MARVELD3: variants seen among roughly 807,000 people sequenced by gnomAD.
MARVELD3 encodes the protein MARVEL domain-containing protein 3.
In MARVELD3, 28 loss-of-function variants were observed where a neutral mutation model predicts 33.5. That is an observed-to-expected ratio of 0.84 (90% CI 0.62 to 1.15). The LOEUF is 1.15. MARVELD3 is among the 50% of genes most tolerant of loss of function. The pLI is 0.00. For synonymous variants in MARVELD3, 241 were observed against 230.4 expected, an observed-to-expected ratio of 1.05 and a Z score of -0.42; for missense variants, 582 against 547.6, an observed-to-expected ratio of 1.06 and a Z score of -0.63.
rs2044506502 is a variant in MARVELD3, at chr16:71,629,432, A to G, written c.533A>G (p.Tyr178Cys). 1 of 1,584,150 alleles carries G rather than the reference A, an allele frequency of 6.3e-7. No individual in the cohort carries two copies. The highest frequency in any genetic ancestry group is 2.4e-5 in the East Asian group (1 of 42,102). ...PRPGREEVEY[Y>C]QSEAEGLLEC... ...CCTGGACGAGAGGAGGTGGAATATTACCAGTCAGAGGCGGAAGGACTCCTG... is the reference window on the plus strand; with the variant it reads ...CCTGGACGAGAGGAGGTGGAATATTGCCAGTCAGAGGCGGAAGGACTCCTG... Residue 178 changes from tyrosine (Y) to cysteine (C), a missense_variant, in exon 2 of 3, where the codon TAC becomes TGC. Physicochemically the swap from Tyr to Cys is radical, Grantham distance 194. Transcript: ENST00000268485.
downstream of MARVELD3, among the ~76,000 whole-genome samples, chr16:71,639,759 C>A (rs781773083): frequency 3.6e-4 from 54 of 152,036 alleles, no homozygotes; most frequent in Admixed American, 2.7e-3. Context: ...GGAGTTCATC[C>A]CTTTTTATCG....
At chr16:71,632,054 C>G (rs902532303) in intron 2 of MARVELD3, among the ~76,000 whole-genome samples, 1 of 152,168 alleles carries the variant, frequency 6.6e-6, no homozygotes, top group African/African-American at 2.4e-5. Context: ...ACCACACACA[C>G]AAAAGGACAT....
chr16:71,634,123 G>A, intron 2 of MARVELD3, 70 bp from the exon 3 acceptor site: 3 of 1,543,888 alleles, frequency 1.9e-6, no homozygotes, highest in Non-Finnish European at 2.6e-6. Context: ...GCGGAAGGTG[G>A]GCCTCAGGTG....
At position 71,626,200 on chromosome 16, in the gene MARVELD3, C is replaced by T. The variant is rs552872118; in HGVS notation, c.-30C>T. ...AACTTGTTGGTTGTTGCCCTCAGGTCGCTCCCGGGCGGGGACACGGAACCC... is the reference window on the plus strand; with the variant it reads ...AACTTGTTGGTTGTTGCCCTCAGGTTGCTCCCGGGCGGGGACACGGAACCC... On this transcript the variant is annotated 5_prime_UTR_variant, in exon 1 of 3. Coordinates refer to ENST00000268485, the MANE Select transcript of MARVELD3 (RefSeq NM_052858.6). The surrounding 1 kb of genome is among the most constrained non-coding windows in gnomAD (Gnocchi z 5.3). 1.0e-5 allele frequency: 15 copies of T among 1,443,524 alleles called. No individual in the cohort carries two copies. Among genetic ancestry groups the T allele is most frequent in the Non-Finnish European group, 1.4e-5 (15 of 1,100,174 alleles). The allele number at this position is 1,443,524 out of a possible 1,614,324, so 89.4% of individuals were successfully genotyped here.
At position 71,634,385 on chromosome 16, in the gene MARVELD3, A is replaced by T. The variant is rs2044561983; in HGVS notation, c.788A>T (p.Tyr263Phe). 6.2e-7 allele frequency: 1 copy of T among 1,614,202 alleles called. No homozygotes were observed. The highest frequency in any genetic ancestry group is 2.2e-5 in the East Asian group (1 of 44,884). ...GCCCAGCAACTGGATGTCCAGTTCTACCAGCTAAAGCTGCCCATGGTCACT... is the reference window on the plus strand; with the variant it reads ...GCCCAGCAACTGGATGTCCAGTTCTTCCAGCTAAAGCTGCCCATGGTCACT... ...EKAQQLDVQF[Y>F]QLKLPMVTVA... is the part of the protein sequence containing the mutation. Residue 263 changes from tyrosine to phenylalanine, a missense_variant, in exon 3 of 3, where the codon TAC (tyrosine) becomes TTC (phenylalanine). Transcript: ENST00000268485.
At chr16:71,634,099 G>C in intron 2 of MARVELD3, 94 bp from the exon 3 acceptor site, 1 of 1,526,910 alleles carries the variant, frequency 6.5e-7, no homozygotes, top group Non-Finnish European at 8.8e-7. Flanking sequence ...AGCCTTCAGG[G>C]GTCTGAGCCC....
intron 2 of MARVELD3, 148 bp downstream of exon 2, chr16:71,629,642 TAAAA>T (rs533759724): frequency 1.0e-3 from 333 of 324,714 alleles, no homozygotes; most frequent in South Asian, 2.7e-3. Context: ...CTTGTTTTCT[TAAAA>T]AAAAAAAAAA....
At position 71,634,509 on chromosome 16, in the gene MARVELD3, G is replaced by T. The variant is rs1164266968; in HGVS notation, c.912G>T (p.Val304=). ...RVPWHCPLLL[V]TEGLLDMLIA... is the part of the protein sequence containing the mutation. ...CGTGGCATTGTCCACTGTTGCTGGT[G>T]ACCGAAGGCTTGTTGGACATGCTCA... Residue 304 remains valine (V), a synonymous_variant, in exon 3 of 3, where the codon GTG becomes GTT. Transcript: ENST00000268485. 1 of 1,614,194 alleles carries T rather than the reference G, an allele frequency of 6.2e-7. No individual in the cohort carries two copies.
rs1364037817 is a variant in MARVELD3, at chr16:71,634,187, T to A, written c.596-6T>A. The A allele has an allele frequency of 1.9e-6, 3 of 1,592,572 alleles. No homozygotes were observed. The South Asian group carries it at 3.4e-5, about 18-fold the overall frequency. On this transcript the variant is annotated splice_polypyrimidine_tract_variant and splice_region_variant and intron_variant, in intron 2 of 2. Coordinates refer to ENST00000268485, the MANE Select transcript of MARVELD3 (RefSeq NM_052858.6). The stretch of plus-strand genomic sequence containing the variant: ...ACTCAAAAATGGTAACACCCTTTTT[T>A]TGCAGCCTGCTGCCAAATGCTGGAG...
chr16:71,627,238 C>T (rs1252691302), intron 1 of MARVELD3, among the ~76,000 whole-genome samples: 1 of 152,246 alleles, frequency 6.6e-6, no homozygotes, highest in Non-Finnish European at 1.5e-5. Context: ...CGCGGTGGCT[C>T]ATGCCTGTAA....
Position 71,627,136 on chromosome 16 carries a change from C to T in MARVELD3, c.467+440C>T, listed in dbSNP as rs542612506. 3.5e-4 allele frequency among the ~76,000 whole-genome samples: 53 copies of T among 152,336 alleles called. No homozygotes were observed. The Middle Eastern group carries it at 0.031, about 88-fold the overall frequency. On this transcript the variant is annotated intron_variant, in intron 1 of 2. Transcript: ENST00000268485. ...ACTCCAAAGTCCCCTTCCTTGTGGC[C>T]GGGCCGCCCACTTGGGAAGCCCGAT...
In MARVELD3 at chr16:71,634,533, C is replaced by T. The variant is rs2044564555; in HGVS notation, c.936C>T (p.Leu312=). 1.2e-6 allele frequency: 2 copies of T among 1,614,216 alleles called. No individual in the cohort carries two copies. The highest frequency in any genetic ancestry group is 1.7e-6 in the Non-Finnish European group (2 of 1,180,042). ...LLVTEGLLDM[L]IAGGYIPALY... is the part of the protein sequence containing the mutation. ...TGACCGAAGGCTTGTTGGACATGCT[C>T]ATCGCGGGGGGGTACATCCCGGCCT... The change falls in exon 3 of 3, where the codon CTC becomes CTT. Residue 312 remains leucine (L), a synonymous_variant. Transcript: ENST00000268485.
rs2044479349 is a variant in MARVELD3 at position 71,626,966 on chromosome 16, G to A, written c.467+270G>A. ...GAGGACCTGGAGAAGAGAAAGAGAG[G>A]CCCCGGGACCCGAGAGGGAGGGGTG... On this transcript the variant is annotated intron_variant, in intron 1 of 2. Transcript: ENST00000268485. The surrounding 1 kb of genome is among the most constrained non-coding windows in gnomAD (Gnocchi z 5.3). 4.9e-6 allele frequency: 2 copies of A among 404,274 alleles called. No individual in the cohort carries two copies. Among genetic ancestry groups the A allele is most frequent in the South Asian group, 6.6e-5 (1 of 15,244 alleles). The allele number at this position is 404,274 out of a possible 1,614,324, so 25.0% of individuals were successfully genotyped here.
downstream of MARVELD3, chr16:71,640,812 C>T: frequency 6.2e-7 from 1 of 1,614,234 alleles, no homozygotes; most frequent in Non-Finnish European, 8.5e-7. Context: ...AAGAGAGAGG[C>T]TCTATGCCCG....
At chr16:71,630,222 C>T (rs2044519785) in intron 2 of MARVELD3, among the ~76,000 whole-genome samples, 1 of 149,322 alleles carries the variant, frequency 6.7e-6, no homozygotes, top group Non-Finnish European at 1.5e-5. Context: ...AGGAGAATTG[C>T]TTGAACCTGG....
At chr16:71,640,548 G>T, downstream of MARVELD3, 1 of 1,614,188 alleles carries the variant, frequency 6.2e-7, no homozygotes, top group Non-Finnish European at 8.5e-7. Flanking sequence ...GCTAGAGCAG[G>T]TTCGGCAGCT....
At position 71,626,957 on chromosome 16, in the gene MARVELD3, G is replaced by C; in HGVS notation, c.467+261G>C. The C allele has an allele frequency of 2.5e-6, 1 of 406,732 alleles. No homozygotes were observed. The highest frequency in any genetic ancestry group is 4.6e-5 in the Admixed American group (1 of 21,770). The allele number at this position is 406,732 out of a possible 1,614,324, so 25.2% of individuals were successfully genotyped here. ...GCTGGGCTGGAGGACCTGGAGAAGA[G>C]AAAGAGAGGCCCCGGGACCCGAGAG... On this transcript the variant is annotated intron_variant, in intron 1 of 2. Coordinates refer to ENST00000268485, the MANE Select transcript of MARVELD3 (RefSeq NM_052858.6). The surrounding 1 kb of genome is among the most constrained non-coding windows in gnomAD (Gnocchi z 5.3).
At chr16:71,634,119 G>T (rs532272041) in intron 2 of MARVELD3, 74 bp from the exon 3 acceptor site, 1 of 1,542,970 alleles carries the variant, frequency 6.5e-7, no homozygotes, top group African/African-American at 1.4e-5. Context: ...CTGCGCGGAA[G>T]GTGGGCCTCA....
At chr16:71,631,810 C>T (rs2044537068) in intron 2 of MARVELD3, among the ~76,000 whole-genome samples, 1 of 152,070 alleles carries the variant, frequency 6.6e-6, no homozygotes, top group Non-Finnish European at 1.5e-5. Context: ...AGAAAGAAAA[C>T]AATAATGTTG....
Sources: allele counts gnomAD v4.1 joint callset (sites outside exome capture counted in the v4.1 genomes callset), GRCh38; gene constraint gnomAD v4.1.1; non-coding constraint Gnocchi (gnomAD v3.1); transcripts MANE v1.5; gene names NCBI Gene and HGNC (gene_info 2026-07-23, HGNC 2026-07-21).